Variants in CREM observed in about 807,000 individuals in gnomAD.
CREM encodes the protein cAMP-responsive element modulator.
In CREM, 13 loss-of-function variants were observed where a neutral mutation model predicts 37.3. The observed-to-expected ratio is 0.35, with a 90% confidence interval of 0.23 to 0.55. The LOEUF is 0.55. CREM is among the 20% of genes least tolerant of loss of function. The pLI, the probability that CREM is intolerant of heterozygous loss-of-function variation, is 0.88. For synonymous variants in CREM, 124 were observed against 120.2 expected (o/e 1.03, Z -0.21); for missense variants, 296 against 362.3 (o/e 0.82, Z 1.49).
At chr10:35,182,736 A>G (rs2133312462) in intron 5 of CREM, among the ~76,000 whole-genome samples, 1 of 152,366 alleles carries the variant, frequency 6.6e-6, no homozygotes, top group South Asian at 2.1e-4. Context: ...AGTAGGAAAA[A>G]GCATAAAATA....
chr10:35,163,753 G>A (rs992055449), intron 3 of CREM, among the ~76,000 whole-genome samples: 28 of 151,922 alleles, frequency 1.8e-4, no homozygotes, highest in Admixed American at 1.8e-3. Flanking sequence ...CCCGGGAGGC[G>A]GAGGTTGCAG....
At chr10:35,160,213 A>G (rs1476274291) in intron 3 of CREM, among the ~76,000 whole-genome samples, 1 of 152,210 alleles carries the variant, frequency 6.6e-6, no homozygotes, top group Non-Finnish European at 1.5e-5. Flanking sequence ...TTGGAGCACA[A>G]TAATAAGTAT....
chr10:35,178,074 A>G (rs937460420), intron 3 of CREM, among the ~76,000 whole-genome samples: 6 of 152,160 alleles, frequency 3.9e-5, no homozygotes, highest in Non-Finnish European at 5.9e-5. Context: ...GTCCAAATCA[A>G]TTTCCCATGT....
At chr10:35,196,198 C>A in intron 6 of CREM, 3 of 1,203,794 alleles carry the variant, frequency 2.5e-6, no homozygotes, top group East Asian at 2.4e-5. Context: ...CTTACTCCAT[C>A]CTCTTACTCC....
At chr10:35,197,885 G>C (rs965718471) in intron 6 of CREM, among the ~76,000 whole-genome samples, 1 of 152,206 alleles carries the variant, frequency 6.6e-6, no homozygotes, top group Non-Finnish European at 1.5e-5. Flanking sequence ...TGGATCGGCA[G>C]ACCAAGTAGA....
chr10:35,197,264 C>CAAAATGCTGA (rs1475523860), intron 6 of CREM, among the ~76,000 whole-genome samples: 2 of 151,912 alleles, frequency 1.3e-5, no homozygotes, highest in African/African-American at 4.8e-5. Flanking sequence ...TTAAACTTTT[C>CAAAATGCTGA]AAAATGCTGA....
In CREM at chr10:35,211,867, C is replaced by A; in HGVS notation, c.*469C>A. 1 of 1,426,256 alleles carries A rather than the reference C, an allele frequency of 7.0e-7. No homozygotes were observed. Among genetic ancestry groups the A allele is most frequent in the African/African-American group, 1.4e-5 (1 of 69,486 alleles). 88.4% of individuals were successfully genotyped at this position (1,426,256 alleles called of 1,614,324 possible). On this transcript the variant is annotated 3_prime_UTR_variant, in exon 8 of 8. Transcript: ENST00000685392. ...GCTTTTGAAGGAATACAATATATAG[C>A]TGGCAAGAATGGTGGCTTCTTTTCT... is the stretch of plus-strand genomic sequence containing the variant.
chr10:35,161,997 A>G (rs1185882286), intron 3 of CREM, among the ~76,000 whole-genome samples: 3 of 152,234 alleles, frequency 2.0e-5, no homozygotes, highest in Non-Finnish European at 4.4e-5. Flanking sequence ...AGCACTATGC[A>G]TAATGGCCAA....
chr10:35,153,965 A>T (rs1408318566), intron 3 of CREM: 3 of 396,036 alleles, frequency 7.6e-6, no homozygotes, highest in Non-Finnish European at 1.3e-5. Context: ...ATCAAGCTGA[A>T]CTCTGTTAAC....
intron 2 of CREM, 22 bp downstream of exon 2, chr10:35,137,901 T>C: frequency 6.4e-7 from 1 of 1,568,718 alleles, no homozygotes; most frequent in African/African-American, 1.4e-5. Flanking sequence ...TACGTTTTTC[T>C]GTTCTTTTGA....
intron 6 of CREM, among the ~76,000 whole-genome samples, chr10:35,203,551 G>C (rs1322120144): frequency 6.6e-6 from 1 of 152,104 alleles, no homozygotes; most frequent in Non-Finnish European, 1.5e-5. Context: ...AATTAGCTGG[G>C]AGCGGTGGTG....
At chr10:35,198,091 G>T (rs901248786) in intron 6 of CREM, among the ~76,000 whole-genome samples, 1 of 151,942 alleles carries the variant, frequency 6.6e-6, no homozygotes, top group Non-Finnish European at 1.5e-5. Context: ...CATGAAATTT[G>T]CTTTTTGACC....
intron 7 of CREM, among the ~76,000 whole-genome samples, chr10:35,207,830 A>G (rs1364240423): frequency 6.6e-6 from 1 of 152,136 alleles, no homozygotes; most frequent in Non-Finnish European, 1.5e-5. Context: ...GTTGTGTGGC[A>G]TTTCATGTAG....
In CREM at chr10:35,134,579, CTTATA is replaced by C. The variant is rs111872833; in HGVS notation, c.-54-3196_-54-3192del. On this transcript the variant is annotated intron_variant, in intron 1 of 7. Transcript: ENST00000685392. ...TCTATCAGCATATTGTATTTGTTTGCTTATATTATATGAGCATTTTCCAACATTTG... is the reference window on the plus strand; with the variant it reads ...TCTATCAGCATATTGTATTTGTTTGCTTATATGAGCATTTTCCAACATTTG... Among the ~76,000 whole-genome samples the C allele has an allele frequency of 6.2e-3, 948 of 152,238 alleles. 12 individuals are homozygous for C. The highest frequency in any genetic ancestry group is 0.022 in the African/African-American group (896 of 41,542).
At chr10:35,129,972 G>A (rs1748212224) in intron 1 of CREM, among the ~76,000 whole-genome samples, 1 of 151,996 alleles carries the variant, frequency 6.6e-6, no homozygotes, top group South Asian at 2.1e-4. Context: ...TGAGGCAGGC[G>A]GATCGCCTGA....
chr10:35,129,776 C>G lies in CREM; in HGVS notation c.-55+2583C>G, dbSNP rs151116201. Among the ~76,000 whole-genome samples, 945 of 152,194 alleles carry G rather than the reference C, an allele frequency of 6.2e-3. 12 individuals are homozygous for G. The highest frequency in any genetic ancestry group is 0.022 in the African/African-American group (895 of 41,526). ...AACATTGATTGATAAGGAAATAAGC[C>G]TGAAATACCGAATTTTATTGTTTCT... On this transcript the variant is annotated intron_variant, in intron 1 of 7. Coordinates refer to ENST00000685392, the MANE Select transcript of CREM (RefSeq NM_183011.2).
intron 1 of CREM, chr10:35,127,456 C>G (rs1381878833): frequency 6.6e-6 from 1 of 152,224 alleles, no homozygotes; most frequent in Non-Finnish European, 1.5e-5. Context: ...CTCAGCTGCC[C>G]CGGGACCCGC....
chr10:35,137,981 T>C (rs2135620239), intron 2 of CREM, 102 bp downstream of exon 2: 1 of 751,768 alleles, frequency 1.3e-6, no homozygotes. Flanking sequence ...TGTATGTATG[T>C]ATATATATTC....
At chr10:35,205,274 T>C (rs1433578122) in intron 6 of CREM, among the ~76,000 whole-genome samples, 1 of 152,242 alleles carries the variant, frequency 6.6e-6, no homozygotes, top group Admixed American at 6.5e-5. Flanking sequence ...TAAGTAAATA[T>C]TAAACGCTGT....
Sources: allele counts gnomAD v4.1 joint callset (sites outside exome capture counted in the v4.1 genomes callset), GRCh38; gene constraint gnomAD v4.1.1; transcripts MANE v1.5; gene names NCBI Gene and HGNC (gene_info 2026-07-23, HGNC 2026-07-21).